PTPRG: variants seen among roughly 807,000 people sequenced by gnomAD.
The protein encoded by PTPRG is receptor-type tyrosine-protein phosphatase gamma.
Under a neutral mutation model 165.3 loss-of-function variants are expected in PTPRG, and 102 were observed. That is an observed-to-expected ratio of 0.62 (90% CI 0.53 to 0.73). The LOEUF is 0.73. PTPRG is among the 30% of genes least tolerant of loss of function. PTPRG has a pLI of 0.00. For synonymous variants in PTPRG, 675 were observed against 669.5 expected (o/e 1.01, Z -0.13); for missense variants, 1,866 against 1,861.4 (o/e 1.00, Z -0.05).
chr3:62,168,894 C>T (rs765543171), intron 8 of PTPRG, among the ~76,000 whole-genome samples: 1 of 151,994 alleles, frequency 6.6e-6, no homozygotes, highest in East Asian at 1.9e-4. Flanking sequence ...TATTGAGTGG[C>T]GGAGTTGGCT....
intron 2 of PTPRG, among the ~76,000 whole-genome samples, chr3:61,942,977 G>C (rs975038912): frequency 4.6e-5 from 7 of 152,196 alleles, no homozygotes; most frequent in South Asian, 2.1e-4. Flanking sequence ...AGTGTATACA[G>C]ATTTGTCTCA....
intron 4 of PTPRG, among the ~76,000 whole-genome samples, chr3:62,009,752 A>C (rs2041374606): frequency 6.6e-6 from 1 of 152,110 alleles, no homozygotes; most frequent in Non-Finnish European, 1.5e-5. Flanking sequence ...GCAGGCACTC[A>C]GGTTCCTGCC....
intron 1 of PTPRG, among the ~76,000 whole-genome samples, chr3:61,635,916 G>A (rs13315554): frequency 1.4e-4 from 22 of 152,296 alleles, no homozygotes; most frequent in African/African-American, 5.1e-4. Flanking sequence ...CTTTTTGATA[G>A]TGTGTTTTAT....
rs201651526 is a variant in PTPRG, at chr3:61,621,047, A to ATGTGTGTG, written c.85+58676_85+58677insGTGTGTGT. ...AGTGTGTGTGTGTATATATATATAT[A>ATGTGTGTG]TATATGTGTGTGTGTGTGTGTGTGT... On this transcript the variant is annotated intron_variant, in intron 1 of 29. Coordinates refer to ENST00000474889, the MANE Select transcript of PTPRG (RefSeq NM_002841.4). Among the ~76,000 whole-genome samples, 455 of 97,216 alleles carry ATGTGTGTG rather than the reference A, an allele frequency of 4.7e-3. 7 individuals are homozygous for ATGTGTGTG. The highest frequency in any genetic ancestry group is 0.015 in the East Asian group (45 of 2,952). The allele number at this position is 97,216 out of a possible 152,430, so 63.8% of individuals were successfully genotyped here.
chr3:61,848,250 G>T (rs754723253), intron 2 of PTPRG, among the ~76,000 whole-genome samples: 28 of 152,160 alleles, frequency 1.8e-4, no homozygotes, highest in Admixed American at 3.9e-4. Flanking sequence ...ACTCTCTCTC[G>T]CCATGCCCCC....
chr3:61,579,274 C>T (rs556871297), intron 1 of PTPRG, among the ~76,000 whole-genome samples: 1 of 152,310 alleles, frequency 6.6e-6, no homozygotes, highest in African/African-American at 2.4e-5. Flanking sequence ...CTAGCGACAG[C>T]TCCCTCTCCC....
intron 12 of PTPRG, among the ~76,000 whole-genome samples, chr3:62,218,636 A>G (rs1382321186): frequency 6.6e-6 from 1 of 152,198 alleles, no homozygotes; most frequent in Admixed American, 6.5e-5. Context: ...ATAACTGCCA[A>G]TTACAGAATG....
chr3:61,763,193 T>C (rs991329666), intron 2 of PTPRG, among the ~76,000 whole-genome samples: 1 of 152,002 alleles, frequency 6.6e-6, no homozygotes, highest in South Asian at 2.1e-4. Flanking sequence ...GTCCTGGAAA[T>C]ATAGCCCGTG....
intron 6 of PTPRG, among the ~76,000 whole-genome samples, chr3:62,151,223 C>T (rs1186252298): frequency 1.3e-5 from 2 of 152,212 alleles, no homozygotes; most frequent in African/African-American, 2.4e-5. Context: ...CCGCGCTGGG[C>T]TTAATGGTTG....
chr3:62,170,661 T>C (rs999425217), intron 8 of PTPRG, among the ~76,000 whole-genome samples: 3 of 152,152 alleles, frequency 2.0e-5, no homozygotes, highest in African/African-American at 7.2e-5. Context: ...TCTACTAGGT[T>C]TGTTTGAATT....
chr3:62,031,678 A>G (rs746310260), intron 4 of PTPRG, among the ~76,000 whole-genome samples: 20 of 152,152 alleles, frequency 1.3e-4, no homozygotes, highest in Non-Finnish European at 2.4e-4. Flanking sequence ...CAGCTAAGTG[A>G]TGGTGGTTAC....
rs377253857 is a variant in PTPRG at position 61,657,703 on chromosome 3, GA to G, written c.86-91172del. 1.8e-4 allele frequency among the ~76,000 whole-genome samples: 27 copies of G among 152,300 alleles called. 1 individual carries two copies. The East Asian group carries it at 5.2e-3, about 29-fold the overall frequency. On this transcript the variant is annotated intron_variant, in intron 1 of 29. Coordinates refer to ENST00000474889, the MANE Select transcript of PTPRG (RefSeq NM_002841.4). ...GCCTTCAACTTTCTTTGCTCAAAAT[GA>G]AACCAATTGATGATAAATGAAAGGA...
At chr3:61,682,088 G>T (rs1575587099) in intron 1 of PTPRG, among the ~76,000 whole-genome samples, 1 of 147,016 alleles carries the variant, frequency 6.8e-6, no homozygotes, top group East Asian at 2.1e-4. Flanking sequence ...GGCAGAGGTT[G>T]CAGTGAGCCG....
intron 1 of PTPRG, among the ~76,000 whole-genome samples, chr3:61,591,977 ATTT>A (rs1344585519): frequency 6.9e-6 from 1 of 145,496 alleles, no homozygotes; most frequent in East Asian, 2.0e-4. Flanking sequence ...TGGAGTGCTA[ATTT>A]TTTTTTTTTT....
At chr3:62,102,369 G>T (rs1702322445) in intron 5 of PTPRG, among the ~76,000 whole-genome samples, 1 of 152,108 alleles carries the variant, frequency 6.6e-6, no homozygotes, top group Non-Finnish European at 1.5e-5. Context: ...CCGCCTCCTG[G>T]GTTCAAGCAG....
intron 1 of PTPRG, among the ~76,000 whole-genome samples, chr3:61,693,719 C>G (rs541221291): frequency 3.9e-5 from 6 of 152,150 alleles, no homozygotes; most frequent in African/African-American, 1.4e-4. Flanking sequence ...AGAAGCAAGG[C>G]TTTAGGCCGG....
At chr3:61,822,391 AC>A (rs2035980982) in intron 2 of PTPRG, among the ~76,000 whole-genome samples, 1 of 152,220 alleles carries the variant, frequency 6.6e-6, no homozygotes. Flanking sequence ...TTCAGAGTTA[AC>A]TATTTCTTTA....
At chr3:61,786,578 A>G (rs1405956281) in intron 2 of PTPRG, among the ~76,000 whole-genome samples, 1 of 152,254 alleles carries the variant, frequency 6.6e-6, no homozygotes, top group East Asian at 1.9e-4. Flanking sequence ...AGAAAAGAGG[A>G]AAGAAATCCA....
At chr3:61,797,122 T>C (rs931291350) in intron 2 of PTPRG, among the ~76,000 whole-genome samples, 1 of 152,214 alleles carries the variant, frequency 6.6e-6, no homozygotes, top group Admixed American at 6.5e-5. Flanking sequence ...AGCTAAGATA[T>C]TCATCATGAG....
Sources: allele counts gnomAD v4.1 joint callset (sites outside exome capture counted in the v4.1 genomes callset), GRCh38; gene constraint gnomAD v4.1.1; transcripts MANE v1.5; gene names NCBI Gene and HGNC (gene_info 2026-07-23, HGNC 2026-07-21).